USP6: variants seen among roughly 807,000 people sequenced by gnomAD.
USP6 encodes ubiquitin carboxyl-terminal hydrolase 6.
USP6 carries 128 observed loss-of-function variants against 175.7 expected under a neutral mutation model. That is an observed-to-expected ratio of 0.73 (90% CI 0.63 to 0.84). The LOEUF (loss-of-function observed/expected upper bound fraction) is 0.84, where lower values mean the gene tolerates loss of function less well. Among genes scored for constraint, USP6 ranks in the 40% least tolerant of loss-of-function variants. The probability of loss-of-function intolerance (pLI) is 0.00; values close to 1 mark genes in which losing one functional copy is unlikely to be tolerated. For missense variants in USP6, 1,498 were observed against 1,760.3 expected, an observed-to-expected ratio of 0.85 and a Z score of 2.67; for synonymous variants, 562 against 630.6, an observed-to-expected ratio of 0.89 and a Z score of 1.63.
chr17:5,171,826 G>A, intron 37 of USP6, 147 bp downstream of exon 37: 2 of 928,104 alleles, frequency 2.2e-6, no homozygotes, highest in Non-Finnish European at 3.1e-6. Flanking sequence ...AGGAACAAAA[G>A]TGATATGCAG....
Position 5,167,927 on chromosome 17 carries a change from T to G in USP6, c.3037-5T>G. Reference sequence around the variant, plus strand: ...CCCCTTTCCTCCTGTTCCCTCTACCTACAGGTTGTAGATAAGCATGAGAGT... The same window carrying G: ...CCCCTTTCCTCCTGTTCCCTCTACCGACAGGTTGTAGATAAGCATGAGAGT... On this transcript the variant is annotated splice_polypyrimidine_tract_variant and splice_region_variant and intron_variant, in intron 33 of 37. Transcript: ENST00000574788. 6.2e-7 allele frequency: 1 copy of G among 1,609,696 alleles called. No homozygotes were observed. The highest frequency in any genetic ancestry group is 8.5e-7 in the Non-Finnish European group (1 of 1,178,076).
intron 1 of USP6, among the ~76,000 whole-genome samples, chr17:5,117,817 G>A (rs1022540287): frequency 1.3e-5 from 2 of 152,086 alleles, no homozygotes; most frequent in South Asian, 2.1e-4. Flanking sequence ...AAGTGAGGCC[G>A]GGTGGGGTGG....
intron 4 of USP6, among the ~76,000 whole-genome samples, chr17:5,122,700 C>G (rs1466521336): frequency 6.6e-6 from 1 of 152,198 alleles, no homozygotes; most frequent in East Asian, 1.9e-4. Context: ...CTGCCCGCGC[C>G]TAAGCTCCCA....
chr17:5,147,202 A>T lies in USP6; in HGVS notation c.2431+8A>T, dbSNP rs1176227396. On this transcript the variant is annotated splice_region_variant and intron_variant, in intron 29 of 37. Transcript: ENST00000574788. Reference sequence around the variant, plus strand: ...CTAGTCCAACACAAATAGGTAAGATAGAACTAGAACTCCTTCTCATGACTG... The same window carrying T: ...CTAGTCCAACACAAATAGGTAAGATTGAACTAGAACTCCTTCTCATGACTG... The T allele has an allele frequency of 6.9e-6, 11 of 1,600,978 alleles. No homozygotes were observed. Among genetic ancestry groups the T allele is most frequent in the Non-Finnish European group, 8.5e-6 (10 of 1,170,072 alleles).
At chr17:5,168,254 C>G in intron 34 of USP6, 131 bp downstream of exon 34, 3 of 1,160,242 alleles carry the variant, frequency 2.6e-6, no homozygotes, top group Non-Finnish European at 2.4e-6. Flanking sequence ...ACATTCTGTA[C>G]AAGGTTTTTA....
Position 5,127,486 on chromosome 17 carries a change from C to T in USP6, c.-473-18C>T, listed in dbSNP as rs779661050. 10 of 152,228 alleles carry T rather than the reference C, an allele frequency of 6.6e-5. No individual in the cohort carries two copies. The highest frequency in any genetic ancestry group is 1.2e-4 in the Non-Finnish European group (8 of 68,062). The allele number at this position is 152,228 out of a possible 1,614,324, so 9.4% of individuals were successfully genotyped here. On this transcript the variant is annotated intron_variant, in intron 6 of 37. Coordinates refer to ENST00000574788, the MANE Select transcript of USP6 (RefSeq NM_001304284.2). Reference sequence around the variant, plus strand: ...TGGACAACGTGAACTTGTCTTGTTTCTTGTCTCTTCTTGCTAGGGCTGTCA... The same window carrying T: ...TGGACAACGTGAACTTGTCTTGTTTTTTGTCTCTTCTTGCTAGGGCTGTCA...
At chr17:5,157,406 TTATTTAAAG>T (rs1451209883) in intron 31 of USP6, among the ~76,000 whole-genome samples, 1 of 152,194 alleles carries the variant, frequency 6.6e-6, no homozygotes, top group Non-Finnish European at 1.5e-5. Flanking sequence ...ATTTAAATAA[TTATTTAAAG>T]TATTTAAGAT....
intron 36 of USP6, 54 bp from the exon 37 acceptor site, chr17:5,171,533 C>G (rs2074216197): frequency 1.9e-6 from 3 of 1,559,110 alleles, no homozygotes; most frequent in Admixed American, 3.4e-5. Context: ...GTGCTATACC[C>G]TGGCCATAGT....
At position 5,148,847 on chromosome 17, in the gene USP6, C is replaced by G. The variant is rs917558425; in HGVS notation, c.2643+80C>G. ...TAGCCATTTTCTGTCTTTGCAACAT[C>G]ATTGAATGCATTTTCTTCTCTTTTT... is the stretch of plus-strand genomic sequence containing the variant. On this transcript the variant is annotated intron_variant, in intron 30 of 37. Transcript: ENST00000574788. 6 of 1,536,198 alleles carry G rather than the reference C, an allele frequency of 3.9e-6. No homozygotes were observed. The African/African-American group carries it at 6.9e-5, about 18-fold the overall frequency.
chr17:5,155,426 G>A lies in USP6; in HGVS notation c.2648G>A (p.Arg883Lys), dbSNP rs778077298. The part of the protein sequence containing the change: ...YIIAVHRKMM[R>K]TELYFLSPQE... The stretch of plus-strand genomic sequence containing the variant: ...TATTCTCGTTTGTACATACAGATGA[G>A]GACAGAACTGTATTTCCTGTCACCT... Residue 883 changes from arginine (R) to lysine (K), a missense_variant, in exon 31 of 38, where the codon AGG (arginine) becomes AAG (lysine). Arg to Lys is a conservative substitution (Grantham distance 26). This residue lies in a region of USP6 where 1,217 missense variants were observed against 1,500.8 expected (regional missense o/e 0.81). Coordinates refer to ENST00000574788, the MANE Select transcript of USP6 (RefSeq NM_001304284.2). The A allele has an allele frequency of 1.9e-6, 3 of 1,613,698 alleles. No homozygotes were observed. In the African/African-American group the frequency reaches 4.0e-5, roughly 22 times the overall value.
chr17:5,127,383 C>T (rs1272234233), intron 6 of USP6, 121 bp from the exon 7 acceptor site: 2 of 152,294 alleles, frequency 1.3e-5, no homozygotes, highest in Non-Finnish European at 2.9e-5. Flanking sequence ...CCGAGGCTGC[C>T]TAATATGCTT....
chr17:5,121,329 C>T (rs2072658511), intron 3 of USP6, 46 bp from the exon 4 acceptor site: 1 of 344,058 alleles, frequency 2.9e-6, no homozygotes, highest in Non-Finnish European at 5.7e-6. Context: ...CTGTGCCCCA[C>T]TTCTGAAAAT....
chr17:5,160,094 G>C (rs2073975046), intron 31 of USP6, among the ~76,000 whole-genome samples: 1 of 152,174 alleles, frequency 6.6e-6, no homozygotes, highest in Non-Finnish European at 1.5e-5. Context: ...CTTTCTATGA[G>C]AGTGCTACTT....
At position 5,146,190 on chromosome 17, in the gene USP6, C is replaced by G. The variant is rs760688112; in HGVS notation, c.2319+16C>G. ...CAACATAAAGGTAATGTTAACTACT[C>G]TAAGAAACTTTTGATTCTATCCTTC... is the stretch of plus-strand genomic sequence containing the variant. On this transcript the variant is annotated intron_variant, in intron 28 of 37. Transcript: ENST00000574788. The G allele has an allele frequency of 6.3e-6, 10 of 1,588,614 alleles. No homozygotes were observed. The highest frequency in any genetic ancestry group is 7.7e-6 in the Non-Finnish European group (9 of 1,165,610).
intron 25 of USP6, 52 bp downstream of exon 25, chr17:5,142,554 A>G (rs749326323): frequency 1.9e-6 from 3 of 1,544,688 alleles, no homozygotes; most frequent in Non-Finnish European, 1.8e-6. Context: ...TAGTTGTTTA[A>G]TCATTTTTCT....
Position 5,132,368 on chromosome 17 carries a change from C to T in USP6, c.156-28C>T. ...GGGCGGCTCCAGGCCCTGTGCACGT[C>T]CTCAGCTCTGCCTGGGTTGCCTTAC... On this transcript the variant is annotated intron_variant, in intron 11 of 37. Coordinates refer to ENST00000574788, the MANE Select transcript of USP6 (RefSeq NM_001304284.2). This position sits in a 1 kb window ranked among gnomAD's most constrained non-coding sequence, Gnocchi z 4.7. 1 of 1,612,202 alleles carries T rather than the reference C, an allele frequency of 6.2e-7. No individual in the cohort carries two copies. The highest frequency in any genetic ancestry group is 8.5e-7 in the Non-Finnish European group (1 of 1,179,862).
chr17:5,117,243 C>T (rs984969387), intron 1 of USP6, among the ~76,000 whole-genome samples: 3 of 152,138 alleles, frequency 2.0e-5, no homozygotes, highest in South Asian at 2.1e-4. Flanking sequence ...TAAGCCTGGG[C>T]GAGGGGGCTC....
intron 18 of USP6, 78 bp downstream of exon 18, chr17:5,136,812 CT>C: frequency 6.4e-7 from 1 of 1,570,294 alleles, no homozygotes; most frequent in East Asian, 2.2e-5. Flanking sequence ...ACTGGAGTCC[CT>C]TGTGGGACTG....
At chr17:5,137,544 A>G (rs1365667591) in intron 19 of USP6, 107 bp from the exon 20 acceptor site, 9 of 1,148,374 alleles carry the variant, frequency 7.8e-6, no homozygotes, top group Non-Finnish European at 1.0e-5. Flanking sequence ...GGTGACCCTC[A>G]TGGGGAAGGT....
Sources: gnomAD v4.1 joint callset for allele counts (sites outside exome capture counted in the v4.1 genomes callset) on GRCh38, gnomAD v4.1.1 for gene constraint, gnomAD v4.1.1 regional missense constraint, Gnocchi (gnomAD v3.1) non-coding constraint, MANE v1.5 for transcripts, NCBI Gene and HGNC (gene_info 2026-07-23, HGNC 2026-07-21) for gene names.